The following DGKB variants were observed in gnomAD, a reference collection of about 807,000 sequenced individuals.
The protein encoded by DGKB is diacylglycerol kinase beta.
Under a neutral mutation model 114.3 loss-of-function variants are expected in DGKB, and 67 were observed. That is an observed-to-expected ratio of 0.59 (90% CI 0.48 to 0.72). The LOEUF (loss-of-function observed/expected upper bound fraction) is 0.72. Among genes scored for constraint, DGKB ranks in the 30% least tolerant of loss-of-function variants. DGKB has a pLI of 0.00. For missense variants in DGKB, 907 were observed against 975.2 expected (o/e 0.93, Z 0.93); for synonymous variants, 398 against 323.1 (o/e 1.23, Z -2.49).
intron 1 of DGKB, among the ~76,000 whole-genome samples, chr7:14,918,593 T>C (rs1784353880): frequency 6.6e-6 from 1 of 152,064 alleles, no homozygotes; most frequent in South Asian, 2.1e-4. Context: ...ATTTACAAAG[T>C]CCTAAAAAAA....
At chr7:14,453,959 A>G (rs1317473675) in intron 21 of DGKB, among the ~76,000 whole-genome samples, 1 of 152,144 alleles carries the variant, frequency 6.6e-6, no homozygotes, top group East Asian at 1.9e-4. Context: ...TGAAGGGAGT[A>G]CAATTAAGGG....
At chr7:14,970,617 G>A (rs918843589) in intron 1 of DGKB, among the ~76,000 whole-genome samples, 9 of 151,996 alleles carry the variant, frequency 5.9e-5, no homozygotes, top group South Asian at 2.1e-4. Context: ...GAATGCTCCC[G>A]TGTCATCAAT....
rs34743730 is a variant in DGKB, at chr7:14,505,454, G to GAA, written c.1771-27231_1771-27230dup. ...GGGAGACAGAGTGAGACTCCGTCTC[G>GAA]AAAAAAAAAAAAAGAAAAAGAAAAA... On this transcript the variant is annotated intron_variant, in intron 20 of 25. Transcript: ENST00000402815. 6.8e-5 allele frequency among the ~76,000 whole-genome samples: 9 copies of GAA among 132,158 alleles called. No individual in the cohort carries two copies. The South Asian group carries it at 7.2e-4, about 11-fold the overall frequency. 86.7% of individuals were successfully genotyped at this position (132,158 alleles called of 152,430 possible). A position where few individuals can be genotyped will look rare whatever the true frequency, so the allele number is the denominator to read the frequency against.
chr7:14,152,546 A>G (rs1210280470), intron 25 of DGKB, among the ~76,000 whole-genome samples: 1 of 152,054 alleles, frequency 6.6e-6, no homozygotes, highest in Admixed American at 6.6e-5. Context: ...GTACCCTTCT[A>G]GAAAAGCAAC....
At chr7:14,509,042 C>T (rs931998501) in intron 20 of DGKB, among the ~76,000 whole-genome samples, 16 of 152,266 alleles carry the variant, frequency 1.1e-4, no homozygotes, top group Non-Finnish European at 5.9e-5. Flanking sequence ...CCAGAAATTA[C>T]TTAAATTCCA....
At chr7:14,878,761 A>AC (rs959070128) in intron 1 of DGKB, among the ~76,000 whole-genome samples, 43 of 149,724 alleles carry the variant, frequency 2.9e-4, no homozygotes, top group African/African-American at 9.8e-4. Flanking sequence ...AAAACAAAAA[A>AC]AAAAAAACAA....
intron 13 of DGKB, among the ~76,000 whole-genome samples, chr7:14,631,560 G>A (rs988359623): frequency 3.9e-5 from 6 of 152,020 alleles, no homozygotes; most frequent in Non-Finnish European, 8.8e-5. Context: ...CATTCCACAG[G>A]AGAATCTAAT....
At chr7:14,800,372 T>C (rs1841997665) in intron 2 of DGKB, among the ~76,000 whole-genome samples, 2 of 152,308 alleles carry the variant, frequency 1.3e-5, no homozygotes, top group South Asian at 4.2e-4. Context: ...TGAGTCAGTG[T>C]GCTGGGGAAG....
intron 20 of DGKB, among the ~76,000 whole-genome samples, chr7:14,540,284 G>A (rs1370561797): frequency 5.9e-5 from 9 of 152,044 alleles, no homozygotes; most frequent in East Asian, 1.9e-4. Flanking sequence ...CCTTGGAAGC[G>A]CTGGTCTTTT....
Position 14,173,102 on chromosome 7 carries a change from T to C in DGKB, c.2304+3737A>G, listed in dbSNP as rs533373893. 7.2e-5 allele frequency among the ~76,000 whole-genome samples: 11 copies of C among 152,334 alleles called. No homozygotes were observed. In the South Asian group the frequency reaches 2.1e-3, roughly 29 times the overall value. On this transcript the variant is annotated intron_variant, in intron 25 of 25. Coordinates refer to ENST00000402815, the MANE Select transcript of DGKB (RefSeq NM_001350709.2). ...TAGTTATATGGCTAAAATAATTGTG[T>C]TAACTCAGTGACTATTACAAAACAA...
intron 25 of DGKB, among the ~76,000 whole-genome samples, chr7:14,160,169 T>C (rs1037164501): frequency 2.6e-5 from 4 of 152,154 alleles, no homozygotes; most frequent in Non-Finnish European, 4.4e-5. Flanking sequence ...GCCAATATCA[T>C]ACTGAATGGG....
chr7:14,763,346 C>G (rs1835985570), intron 2 of DGKB, among the ~76,000 whole-genome samples: 1 of 152,052 alleles, frequency 6.6e-6, no homozygotes, highest in South Asian at 2.1e-4. Flanking sequence ...GCATTGGGCA[C>G]TAGTAACACT....
At chr7:14,962,522 CTCTT>C (rs763953170) in intron 1 of DGKB, among the ~76,000 whole-genome samples, 1 of 151,954 alleles carries the variant, frequency 6.6e-6, no homozygotes, top group Non-Finnish European at 1.5e-5. Context: ...CAAATTTTGT[CTCTT>C]TCTTTTTACT....
intron 23 of DGKB, among the ~76,000 whole-genome samples, chr7:14,213,222 C>T (rs892278953): frequency 5.3e-5 from 8 of 151,944 alleles, no homozygotes; most frequent in African/African-American, 1.9e-4. Flanking sequence ...GCCCAAAATA[C>T]CACAGTATAT....
chr7:14,620,525 G>A (rs1428569771), intron 15 of DGKB, among the ~76,000 whole-genome samples: 2 of 151,654 alleles, frequency 1.3e-5, no homozygotes, highest in African/African-American at 4.8e-5. Flanking sequence ...GAATGCAAGT[G>A]TGTGACATAC....
At chr7:14,973,250 T>C (rs933643144) in intron 1 of DGKB, among the ~76,000 whole-genome samples, 1 of 151,954 alleles carries the variant, frequency 6.6e-6, no homozygotes, top group Non-Finnish European at 1.5e-5. Context: ...CTATTTAATT[T>C]TTATTTAAAA....
Position 14,307,382 on chromosome 7 carries a change from C to T in DGKB, c.2122+31133G>A, listed in dbSNP as rs1414254646. Among the ~76,000 whole-genome samples the T allele has an allele frequency of 2.6e-5, 4 of 152,178 alleles. No homozygotes were observed. In the East Asian group the frequency reaches 7.7e-4, roughly 29 times the overall value. On this transcript the variant is annotated intron_variant, in intron 23 of 25. Transcript: ENST00000402815. ...TGGTGTTATAAGCTTTCATCCAAGA[C>T]ATTTAATTCAAGTTTTAACATATTT...
chr7:14,425,128 AT>A (rs529632513), intron 21 of DGKB, among the ~76,000 whole-genome samples: 36 of 152,116 alleles, frequency 2.4e-4, no homozygotes, highest in Admixed American at 7.2e-4. Flanking sequence ...ATTTTCATTG[AT>A]TTTTTTCTTC....
At chr7:14,273,410 A>C (rs1166086007) in intron 23 of DGKB, among the ~76,000 whole-genome samples, 1 of 152,120 alleles carries the variant, frequency 6.6e-6, no homozygotes, top group Non-Finnish European at 1.5e-5. Context: ...GATACATGAT[A>C]ATATGTTTGG....
Sources: allele counts gnomAD v4.1 joint callset (sites outside exome capture counted in the v4.1 genomes callset), GRCh38; gene constraint gnomAD v4.1.1; transcripts MANE v1.5; gene names NCBI Gene and HGNC (gene_info 2026-07-23, HGNC 2026-07-21).